Variants in CTNNA3 observed in about 807,000 individuals in gnomAD.
CTNNA3 encodes the protein catenin alpha-3.
Under a neutral mutation model 95.7 loss-of-function variants are expected in CTNNA3, and 76 were observed. The ratio of observed to expected loss-of-function variants is 0.79; its 90% CI spans 0.66 to 0.96. The LOEUF (loss-of-function observed/expected upper bound fraction) is 0.96. CTNNA3 is among the 40% of genes least tolerant of loss of function. CTNNA3 has a pLI of 0.00. For missense variants in CTNNA3, 1,191 were observed against 1,089.8 expected, an observed-to-expected ratio of 1.09 and a Z score of -1.31; for synonymous variants, 431 against 374.4, an observed-to-expected ratio of 1.15 and a Z score of -1.74.
intron 1 of CTNNA3, among the ~76,000 whole-genome samples, chr10:67,712,566 G>A (rs573236192): frequency 2.6e-5 from 4 of 152,342 alleles, no homozygotes; most frequent in Admixed American, 2.6e-4. Flanking sequence ...TAGAGGTCCG[G>A]CCATGGCTTC....
intron 11 of CTNNA3, among the ~76,000 whole-genome samples, chr10:66,496,199 G>T (rs1042537199): frequency 6.6e-6 from 1 of 152,054 alleles, no homozygotes; most frequent in Non-Finnish European, 1.5e-5. Context: ...ACAGGTTTTA[G>T]TATCACCATA....
At chr10:67,601,689 A>C (rs537227976) in intron 3 of CTNNA3, among the ~76,000 whole-genome samples, 1 of 152,220 alleles carries the variant, frequency 6.6e-6, no homozygotes, top group African/African-American at 2.4e-5. Context: ...TGCTATACGA[A>C]TATTCTAAAA....
intron 16 of CTNNA3, among the ~76,000 whole-genome samples, chr10:65,973,774 A>C (rs34162577): frequency 0.21 from 32,638 of 151,938 alleles, 3,994 homozygotes; most frequent in Middle Eastern, 0.35. Flanking sequence ...ACACACTTTT[A>C]AATGACCAGA....
At chr10:65,963,740 A>T (rs1761429326) in intron 17 of CTNNA3, among the ~76,000 whole-genome samples, 1 of 152,216 alleles carries the variant, frequency 6.6e-6, no homozygotes, top group South Asian at 2.1e-4. Context: ...GATTTGAATG[A>T]ACTACATATA....
At chr10:67,680,198 T>C (rs991226027) in intron 1 of CTNNA3, among the ~76,000 whole-genome samples, 1 of 152,204 alleles carries the variant, frequency 6.6e-6, no homozygotes, top group Non-Finnish European at 1.5e-5. Flanking sequence ...GCCAAGTGTT[T>C]ACCTTTCAGT....
chr10:66,947,920 C>G lies in CTNNA3; in HGVS notation c.1048-172396G>C, dbSNP rs1024280028. ...CATCACAGAGTGTACTTACATAAACCTAGATGACAGTCTACTACACACCTA... is the reference window on the plus strand; with the variant it reads ...CATCACAGAGTGTACTTACATAAACGTAGATGACAGTCTACTACACACCTA... On this transcript the variant is annotated intron_variant, in intron 7 of 17. Transcript: ENST00000433211. Among the ~76,000 whole-genome samples, 85 of 152,224 alleles carry G rather than the reference C, an allele frequency of 5.6e-4. 1 individual carries two copies. The highest frequency in any genetic ancestry group is 8.8e-5 in the Non-Finnish European group (6 of 68,004).
chr10:66,277,306 G>A (rs2091418381), intron 13 of CTNNA3, among the ~76,000 whole-genome samples: 1 of 152,032 alleles, frequency 6.6e-6, no homozygotes. Flanking sequence ...TAAAAATTTA[G>A]ACATAAAATG....
chr10:66,623,162 C>A (rs1844810585), intron 9 of CTNNA3, among the ~76,000 whole-genome samples: 1 of 152,084 alleles, frequency 6.6e-6, no homozygotes, highest in South Asian at 2.1e-4. Context: ...AAAAGTGAAA[C>A]TTGACAGTCT....
At chr10:67,686,808 T>C (rs138021883) in intron 1 of CTNNA3, among the ~76,000 whole-genome samples, 3 of 152,212 alleles carry the variant, frequency 2.0e-5, no homozygotes, top group East Asian at 1.9e-4. Context: ...TTGTGATGTA[T>C]AAAGAAAAGT....
At chr10:66,033,382 G>A (rs986202501) in intron 15 of CTNNA3, among the ~76,000 whole-genome samples, 21 of 151,916 alleles carry the variant, frequency 1.4e-4, no homozygotes, top group African/African-American at 4.6e-4. Context: ...TGGTCTGCCC[G>A]CCTCAGCCTC....
chr10:65,924,781 A>G (rs2133120054), intron 17 of CTNNA3, among the ~76,000 whole-genome samples: 1 of 152,256 alleles, frequency 6.6e-6, no homozygotes, highest in East Asian at 1.9e-4. Context: ...GGTTTAATTG[A>G]CTCACAGTTT....
intron 1 of CTNNA3, among the ~76,000 whole-genome samples, chr10:67,659,613 A>C (rs534011387): frequency 6.6e-6 from 1 of 152,346 alleles, no homozygotes; most frequent in African/African-American, 2.4e-5. Flanking sequence ...CTAATCTAAT[A>C]TATGAGACAA....
At chr10:66,766,565 C>A in intron 8 of CTNNA3, 149 bp from the exon 9 acceptor site, 1 of 586,340 alleles carries the variant, frequency 1.7e-6, no homozygotes, top group Non-Finnish European at 2.7e-6. Flanking sequence ...CAAGAATGTC[C>A]CTTAAGAAAC....
intron 7 of CTNNA3, among the ~76,000 whole-genome samples, chr10:66,848,629 T>C (rs1843367544): frequency 6.6e-6 from 1 of 152,182 alleles, no homozygotes; most frequent in South Asian, 2.1e-4. Flanking sequence ...TATGAGCTTA[T>C]ACAGAATTCA....
intron 13 of CTNNA3, among the ~76,000 whole-genome samples, chr10:66,275,631 T>C (rs910501256): frequency 6.6e-6 from 1 of 152,208 alleles, no homozygotes; most frequent in Non-Finnish European, 1.5e-5. Context: ...TTACACAATA[T>C]TCTTTCATTA....
chr10:67,618,731 A>G (rs915662063), intron 2 of CTNNA3, among the ~76,000 whole-genome samples: 17 of 152,234 alleles, frequency 1.1e-4, no homozygotes, highest in African/African-American at 3.4e-4. Flanking sequence ...TATAGCAACC[A>G]AAATATGATT....
At chr10:66,109,904 TA>T (rs1301473683) in intron 13 of CTNNA3, among the ~76,000 whole-genome samples, 1 of 152,042 alleles carries the variant, frequency 6.6e-6, no homozygotes, top group Non-Finnish European at 1.5e-5. Flanking sequence ...CAGCCTTTTT[TA>T]AAATTTGTTT....
chr10:66,485,325 T>C (rs1839687263), intron 11 of CTNNA3, among the ~76,000 whole-genome samples: 1 of 152,146 alleles, frequency 6.6e-6, no homozygotes, highest in Admixed American at 6.5e-5. Context: ...CACGATTTTA[T>C]ATATGGTAAG....
intron 7 of CTNNA3, among the ~76,000 whole-genome samples, chr10:66,903,991 C>A (rs1845873271): frequency 6.6e-6 from 1 of 152,180 alleles, no homozygotes; most frequent in African/African-American, 2.4e-5. Context: ...CCTCACCAAG[C>A]TACCAATGAC....
Sources: gnomAD v4.1 joint callset for allele counts (sites outside exome capture counted in the v4.1 genomes callset) on GRCh38, gnomAD v4.1.1 for gene constraint, MANE v1.5 for transcripts, NCBI Gene and HGNC (gene_info 2026-07-23, HGNC 2026-07-21) for gene names.